Variants in TSPAN14 observed in about 807,000 individuals in gnomAD.
TSPAN14 encodes tetraspanin 14.
Under a neutral mutation model 36.6 loss-of-function variants are expected in TSPAN14, and 16 were observed. The observed-to-expected ratio is 0.44, with a 90% CI of 0.30 to 0.66. The LOEUF is 0.66. Ranked by LOEUF, TSPAN14 falls within the 30% of genes least tolerant of loss-of-function variation. The pLI is 0.12. For missense variants in TSPAN14, 231 were observed against 355.1 expected (o/e 0.65, Z 2.81); for synonymous variants, 139 against 143.8 (o/e 0.97, Z 0.24).
chr10:80,495,335 C>CTGTGTGTGTGTGTGTGTGTG (rs3041272), intron 2 of TSPAN14, among the ~76,000 whole-genome samples: 3 of 135,652 alleles, frequency 2.2e-5, no homozygotes, highest in Non-Finnish European at 4.6e-5. Flanking sequence ...TCTTTTGGCA[C>CTGTGTGTGTGTGTGTGTGTG]TGTGTGTGTG....
At chr10:80,470,830 A>G (rs192135402) in intron 1 of TSPAN14, among the ~76,000 whole-genome samples, 18 of 152,218 alleles carry the variant, frequency 1.2e-4, no homozygotes, top group African/African-American at 3.9e-4. Context: ...TCTTGGTATC[A>G]TCTGCAGGGC....
rs148618749 is a variant in TSPAN14 at position 80,481,375 on chromosome 10, C to T, written c.-17-7842C>T. Among the ~76,000 whole-genome samples the T allele has an allele frequency of 7.1e-3, 1,086 of 152,206 alleles. 4 individuals carry two copies. The highest frequency in any genetic ancestry group is 0.012 in the Non-Finnish European group (850 of 68,004). On this transcript the variant is annotated intron_variant, in intron 1 of 8. Coordinates refer to ENST00000429989, the Ensembl canonical transcript of TSPAN14. ...ATTTAGACAACTGACATCAAATTTT[C>T]GGTTAAATATTGATAAATTCATAGA...
intron 1 of TSPAN14, among the ~76,000 whole-genome samples, chr10:80,455,166 G>A (rs1472823162): frequency 1.3e-5 from 2 of 152,188 alleles, no homozygotes; most frequent in African/African-American, 4.8e-5. Context: ...GTGTGAGGGT[G>A]TGTGGAGGGA....
chr10:80,513,795 G>A (rs949514488), intron 6 of TSPAN14, among the ~76,000 whole-genome samples: 6 of 152,200 alleles, frequency 3.9e-5, no homozygotes, highest in Admixed American at 2.0e-4. Context: ...CAACAAAAGC[G>A]GAATTGAGTC....
intron 2 of TSPAN14, among the ~76,000 whole-genome samples, chr10:80,490,604 C>T (rs1008203235): frequency 6.6e-6 from 1 of 152,090 alleles, no homozygotes; most frequent in African/African-American, 2.4e-5. Flanking sequence ...TTGACGGGAC[C>T]ACTGTGAGCT....
At chr10:80,518,238 A>G (rs1841052719) in exon 9 of TSPAN14, 1 of 514,944 alleles carries the variant, frequency 1.9e-6, no homozygotes, top group African/African-American at 1.9e-5. Flanking sequence ...GGGAGTGGTG[A>G]CTCTGAAAGA....
In TSPAN14 at chr10:80,500,557, G is replaced by T. The variant is rs370415133; in HGVS notation, c.82-4171G>T. Among the ~76,000 whole-genome samples the T allele has an allele frequency of 2.1e-3, 313 of 152,056 alleles. 2 individuals carry two copies. The highest frequency in any genetic ancestry group is 7.1e-3 in the African/African-American group (295 of 41,502). ...TTGGTGAGGCCGGTCTCAAACTCTT[G>T]ACCTCAGGTGATCCGCCTCCCAAAG... On this transcript the variant is annotated intron_variant, in intron 2 of 8. Transcript: ENST00000429989.
intron 1 of TSPAN14, among the ~76,000 whole-genome samples, chr10:80,470,881 A>T (rs562190884): frequency 6.6e-6 from 1 of 151,898 alleles, no homozygotes; most frequent in African/African-American, 2.4e-5. Context: ...TCTGTTAATA[A>T]TCTTCATTGG....
At chr10:80,477,114 C>T (rs1387769955) in intron 1 of TSPAN14, among the ~76,000 whole-genome samples, 1 of 152,242 alleles carries the variant, frequency 6.6e-6, no homozygotes, top group African/African-American at 2.4e-5. Context: ...AGCAACAGTG[C>T]ATCAAATCCT....
chr10:80,520,010 G>C (rs1841171267), exon 9 of TSPAN14: 1 of 154,656 alleles, frequency 6.5e-6, no homozygotes, highest in Non-Finnish European at 1.4e-5. Context: ...AGAAGAGCTT[G>C]GGGACACTGA....
exon 9 of TSPAN14, chr10:80,520,886 C>T (rs1841236272): frequency 1.9e-6 from 1 of 515,988 alleles, no homozygotes; most frequent in African/African-American, 1.9e-5. Context: ...CCCAGGCTCG[C>T]CAGTTCTCTG....
At chr10:80,480,576 T>C (rs1316211599) in intron 1 of TSPAN14, among the ~76,000 whole-genome samples, 2 of 152,170 alleles carry the variant, frequency 1.3e-5, no homozygotes, top group African/African-American at 4.8e-5. Flanking sequence ...GTGGCACATA[T>C]ACACCATGGA....
intron 1 of TSPAN14, among the ~76,000 whole-genome samples, chr10:80,483,517 A>ACT (rs1304376069): frequency 1.3e-5 from 2 of 152,218 alleles, no homozygotes; most frequent in African/African-American, 4.8e-5. Flanking sequence ...TGGTAAATGT[A>ACT]ACCATATTGC....
At chr10:80,473,945 G>A (rs1018014471) in intron 1 of TSPAN14, among the ~76,000 whole-genome samples, 22 of 152,072 alleles carry the variant, frequency 1.4e-4, no homozygotes, top group African/African-American at 5.3e-4. Flanking sequence ...GCCTGCCTTA[G>A]TGATTCTCTC....
At chr10:80,494,033 TC>T (rs1325703695) in intron 2 of TSPAN14, among the ~76,000 whole-genome samples, 3 of 152,252 alleles carry the variant, frequency 2.0e-5, no homozygotes, top group Non-Finnish European at 4.4e-5. Context: ...CTTGCCTGGA[TC>T]TGCTTCAGAG....
chr10:80,490,209 A>G (rs920357830), intron 2 of TSPAN14, among the ~76,000 whole-genome samples: 3 of 152,190 alleles, frequency 2.0e-5, no homozygotes, highest in Admixed American at 6.5e-5. Context: ...GATTTGGGGT[A>G]GAAGGGGTAC....
intron 1 of TSPAN14, among the ~76,000 whole-genome samples, chr10:80,474,773 T>A (rs1375172374): frequency 1.3e-5 from 2 of 152,128 alleles, no homozygotes; most frequent in Non-Finnish European, 2.9e-5. Context: ...AGCCTGGCCT[T>A]CCCAAATCTC....
At chr10:80,499,120 G>A (rs1403481243) in intron 2 of TSPAN14, among the ~76,000 whole-genome samples, 1 of 152,214 alleles carries the variant, frequency 6.6e-6, no homozygotes, top group East Asian at 1.9e-4. Context: ...AGGAGCCAAG[G>A]CCATTAAATC....
intron 1 of TSPAN14, among the ~76,000 whole-genome samples, chr10:80,457,755 T>A (rs376893386): frequency 2.0e-5 from 3 of 152,224 alleles, no homozygotes; most frequent in Non-Finnish European, 1.5e-5. Context: ...ATGCAGAAGA[T>A]TGGGGAGTCA....
Sources: allele counts gnomAD v4.1 joint callset (sites outside exome capture counted in the v4.1 genomes callset), GRCh38; gene constraint gnomAD v4.1.1; transcripts MANE v1.5; gene names NCBI Gene and HGNC (gene_info 2026-07-23, HGNC 2026-07-21).